COL19A1: variants seen among roughly 807,000 people sequenced by gnomAD.
The protein encoded by COL19A1 is collagen type XIX alpha 1 chain, also known as collagen alpha-1(XIX) chain.
In COL19A1, 159 loss-of-function variants were observed where a neutral mutation model predicts 190.2. That is an observed-to-expected ratio of 0.84 (90% CI 0.73 to 0.95). COL19A1 has a LOEUF of 0.95. Ranked by LOEUF, COL19A1 falls within the 40% of genes least tolerant of loss-of-function variation. The probability of loss-of-function intolerance (pLI) is 0.00; values close to 1 mark genes in which losing one functional copy is unlikely to be tolerated. For synonymous variants in COL19A1, 509 were observed against 458.9 expected, an observed-to-expected ratio of 1.11 and a Z score of -1.39; for missense variants, 1,418 against 1,431.9, an observed-to-expected ratio of 0.99 and a Z score of 0.16.
At chr6:69,995,021 C>T (rs1354139385) in intron 11 of COL19A1, among the ~76,000 whole-genome samples, 3 of 152,150 alleles carry the variant, frequency 2.0e-5, no homozygotes, top group Non-Finnish European at 4.4e-5. Context: ...CTTTGAAAAT[C>T]AAATGTTCTC....
intron 1 of COL19A1, among the ~76,000 whole-genome samples, chr6:69,875,669 A>G (rs1258172124): frequency 1.3e-5 from 2 of 152,150 alleles, no homozygotes; most frequent in Non-Finnish European, 2.9e-5. Flanking sequence ...TGGTTTGATC[A>G]TTTTGATGGG....
At chr6:70,193,078 G>T (rs899312882) in intron 48 of COL19A1, among the ~76,000 whole-genome samples, 8 of 149,136 alleles carry the variant, frequency 5.4e-5, no homozygotes, top group African/African-American at 2.0e-4. Context: ...AAGAATGTCA[G>T]AAAATATAAC....
chr6:69,892,769 G>A (rs1037628293), intron 2 of COL19A1, among the ~76,000 whole-genome samples: 5 of 152,134 alleles, frequency 3.3e-5, no homozygotes, highest in African/African-American at 1.2e-4. Flanking sequence ...TGTAGACAAG[G>A]GTATGAGGCA....
Position 70,002,741 on chromosome 6 carries a change from A to G in COL19A1, c.1027-20886A>G, listed in dbSNP as rs546599863. ...CCCTTTGTCACTTTTTATTGTGTCT[A>G]TTTAATTCTTCTCTCTTTTCTTCTT... On this transcript the variant is annotated intron_variant, in intron 11 of 50. Coordinates refer to ENST00000620364, the MANE Select transcript of COL19A1 (RefSeq NM_001858.6). Among the ~76,000 whole-genome samples, 7 of 147,360 alleles carry G rather than the reference A, an allele frequency of 4.8e-5. No individual in the cohort carries two copies. The East Asian group carries it at 9.9e-4, about 21-fold the overall frequency.
At chr6:69,902,851 A>G (rs904674388) in intron 4 of COL19A1, among the ~76,000 whole-genome samples, 1 of 152,184 alleles carries the variant, frequency 6.6e-6, no homozygotes, top group Non-Finnish European at 1.5e-5. Context: ...ATAGCCAACC[A>G]TCTACGGTGA....
At chr6:70,054,448 G>C (rs1207781156) in intron 14 of COL19A1, among the ~76,000 whole-genome samples, 1 of 152,144 alleles carries the variant, frequency 6.6e-6, no homozygotes, top group Non-Finnish European at 1.5e-5. Context: ...AAAAGCTTCT[G>C]TTAACAGTAA....
intron 2 of COL19A1, 98 bp from the exon 3 acceptor site, chr6:69,898,850 T>C: frequency 2.7e-6 from 2 of 738,940 alleles, no homozygotes; most frequent in South Asian, 3.7e-5. Context: ...AATAAATGGT[T>C]TAATTTATTT....
intron 14 of COL19A1, among the ~76,000 whole-genome samples, chr6:70,063,255 A>G (rs1286672080): frequency 6.6e-6 from 1 of 152,200 alleles, no homozygotes. Context: ...AGCAAATGTA[A>G]AAGAACAGAA....
intron 14 of COL19A1, among the ~76,000 whole-genome samples, chr6:70,038,981 CGGGAGGCGGTTGCAGT>C (rs984490348): frequency 1.3e-5 from 2 of 151,756 alleles, no homozygotes; most frequent in African/African-American, 4.8e-5. Flanking sequence ...TGCTCGAACC[CGGGAGGCGGTTGCAGT>C]GAGCCGAGAT....
chr6:70,201,704 A>T (rs1304792390), intron 49 of COL19A1, among the ~76,000 whole-genome samples: 2 of 152,236 alleles, frequency 1.3e-5, no homozygotes, highest in Admixed American at 6.5e-5. Context: ...AATTTAGCAA[A>T]AAATAAATAA....
rs184106751 is a variant in COL19A1, at chr6:70,032,724, C to T, written c.1081-1521C>T. Among the ~76,000 whole-genome samples, 14 of 152,028 alleles carry T rather than the reference C, an allele frequency of 9.2e-5. No homozygotes were observed. In the East Asian group the frequency reaches 1.2e-3, roughly 13 times the overall value. On this transcript the variant is annotated intron_variant, in intron 12 of 50. Transcript: ENST00000620364. ...TCAGAGTAGTCACATTTCAAGAGTTCGAAAGCTACATGTGGCTGTGGCTAC... is the reference window on the plus strand; with the variant it reads ...TCAGAGTAGTCACATTTCAAGAGTTTGAAAGCTACATGTGGCTGTGGCTAC...
At chr6:69,937,258 C>T (rs541218853) in intron 8 of COL19A1, among the ~76,000 whole-genome samples, 1 of 152,248 alleles carries the variant, frequency 6.6e-6, no homozygotes, top group Non-Finnish European at 1.5e-5. Flanking sequence ...ACAGTGCCTG[C>T]TCTTCAAAAA....
intron 6 of COL19A1, among the ~76,000 whole-genome samples, chr6:69,930,633 A>G (rs900075887): frequency 6.6e-6 from 1 of 152,072 alleles, no homozygotes; most frequent in Admixed American, 6.6e-5. Flanking sequence ...CCTGGCTAAC[A>G]TGGTGAAACC....
At chr6:69,894,972 A>AT (rs1175507719) in intron 2 of COL19A1, among the ~76,000 whole-genome samples, 1 of 152,204 alleles carries the variant, frequency 6.6e-6, no homozygotes, top group Non-Finnish European at 1.5e-5. Context: ...AAGAAAAAAC[A>AT]TTTTTTAATG....
rs77062910 is a variant in COL19A1 at position 69,994,322 on chromosome 6, T to C, written c.1027-29305T>C. On this transcript the variant is annotated intron_variant, in intron 11 of 50. Coordinates refer to ENST00000620364, the MANE Select transcript of COL19A1 (RefSeq NM_001858.6). Reference sequence around the variant, plus strand: ...TGAGTGAGAATTTTTAGAAAGTTTATAGAAGTATTAATGCCCAAGCAAATA... The same window carrying C: ...TGAGTGAGAATTTTTAGAAAGTTTACAGAAGTATTAATGCCCAAGCAAATA... 7.9e-5 allele frequency among the ~76,000 whole-genome samples: 12 copies of C among 152,224 alleles called. No homozygotes were observed. In the East Asian group the frequency reaches 2.3e-3, roughly 29 times the overall value.
chr6:70,206,462 C>A (rs1041359148), intron 49 of COL19A1, among the ~76,000 whole-genome samples: 1 of 151,930 alleles, frequency 6.6e-6, no homozygotes, highest in African/African-American at 2.4e-5. Context: ...AACCCTGCCT[C>A]CACTAAAAAT....
At chr6:70,192,951 CTTTA>C (rs1446481537) in intron 48 of COL19A1, among the ~76,000 whole-genome samples, 9 of 152,260 alleles carry the variant, frequency 5.9e-5, no homozygotes, top group African/African-American at 1.9e-4. Flanking sequence ...GCTGTAGTGT[CTTTA>C]TTTATCTTTT....
intron 11 of COL19A1, among the ~76,000 whole-genome samples, chr6:70,002,449 C>A (rs1429494282): frequency 6.6e-6 from 1 of 151,872 alleles, no homozygotes; most frequent in Non-Finnish European, 1.5e-5. Context: ...CCTCCTTATA[C>A]CCCTGGTAGA....
chr6:70,043,787 G>A (rs1014698905), intron 14 of COL19A1, among the ~76,000 whole-genome samples: 1 of 152,188 alleles, frequency 6.6e-6, no homozygotes, highest in Admixed American at 6.5e-5. Flanking sequence ...CAGGGTAAAT[G>A]TAGCATAACT....
Sources: allele counts gnomAD v4.1 joint callset (sites outside exome capture counted in the v4.1 genomes callset), GRCh38; gene constraint gnomAD v4.1.1; transcripts MANE v1.5; gene names NCBI Gene and HGNC (gene_info 2026-07-23, HGNC 2026-07-21).